The following NAA60 variants were observed in gnomAD, a reference collection of about 807,000 sequenced individuals.
The protein encoded by NAA60 is N-alpha-acetyltransferase 60, NatF catalytic subunit.
In NAA60, 8 loss-of-function variants were observed where a neutral mutation model predicts 26.1. The observed-to-expected ratio is 0.31, with a 90% CI of 0.18 to 0.55. NAA60 has a LOEUF of 0.55. Ranked by LOEUF, NAA60 falls within the 20% of genes least tolerant of loss-of-function variation. The pLI is 0.93. For synonymous variants in NAA60, 131 were observed against 122.5 expected, an observed-to-expected ratio of 1.07 and a Z score of -0.46; for missense variants, 290 against 311.3, an observed-to-expected ratio of 0.93 and a Z score of 0.51.
Position 3,485,708 on chromosome 16 carries a change from A to G in NAA60, c.*448A>G. ...TATGGACACACTTGACCGTAAAGGC[A>G]CAGGAGCCTCGGAACAAGGGGGCGC... On this transcript the variant is annotated 3_prime_UTR_variant, in exon 8 of 8. Transcript: ENST00000407558. The G allele has an allele frequency of 2.2e-6, 1 of 456,508 alleles. No individual in the cohort carries two copies. The highest frequency in any genetic ancestry group is 3.3e-4 in the Middle Eastern group (1 of 3,074). The allele number at this position is 456,508 out of a possible 1,614,324, so 28.3% of individuals were successfully genotyped here.
At chr16:3,444,034 G>A (rs955899956) in intron 1 of NAA60, 197 bp downstream of exon 1, 4 of 1,087,438 alleles carry the variant, frequency 3.7e-6, no homozygotes, top group Non-Finnish European at 4.8e-6. Context: ...CCAGGTTGCT[G>A]GACTCTGACT....
At position 3,483,592 on chromosome 16, in the gene NAA60, G is replaced by A. The variant is rs369184668; in HGVS notation, c.567G>A (p.Thr189=). The change falls in exon 6 of 8, where the codon ACG becomes ACA. Residue 189 remains threonine (T), a synonymous_variant. Transcript: ENST00000407558. ...LYINGGHPPW[T]ILDYIQHLGS... is the part of the protein sequence containing the mutation. ...TCAACGGCGGCCACCCTCCCTGGACGATTTTATATCCTTAACTTCTGGGGG... is the reference window on the plus strand; with the variant it reads ...TCAACGGCGGCCACCCTCCCTGGACAATTTTATATCCTTAACTTCTGGGGG... 1.2e-5 allele frequency: 20 copies of A among 1,608,256 alleles called. No homozygotes were observed. The highest frequency in any genetic ancestry group is 1.6e-5 in the Non-Finnish European group (19 of 1,176,446).
intron 2 of NAA60, among the ~76,000 whole-genome samples, chr16:3,461,853 C>T (rs1158177734): frequency 6.6e-6 from 1 of 152,010 alleles, no homozygotes; most frequent in Non-Finnish European, 1.5e-5. Flanking sequence ...CTTTGGGAGG[C>T]CAAGTGGGCA....
intron 1 of NAA60, among the ~76,000 whole-genome samples, chr16:3,447,212 T>C (rs1017890302): frequency 6.6e-6 from 1 of 152,222 alleles, no homozygotes; most frequent in Non-Finnish European, 1.5e-5. Context: ...AACGGAAAGA[T>C]ACTCATTTTT....
intron 2 of NAA60, chr16:3,472,402 T>C (rs939465172): frequency 6.6e-6 from 1 of 152,152 alleles, no homozygotes; most frequent in South Asian, 2.1e-4. Flanking sequence ...TTTCTTTAGC[T>C]TTTTGTTTTT....
intron 5 of NAA60, chr16:3,482,817 G>A: frequency 1.7e-6 from 1 of 586,996 alleles, no homozygotes; most frequent in African/African-American, 1.9e-5. Flanking sequence ...CTTTCCACAT[G>A]CCCCCAGGCC....
intron 1 of NAA60, among the ~76,000 whole-genome samples, chr16:3,446,664 G>C (rs1330288136): frequency 6.7e-6 from 1 of 149,728 alleles, no homozygotes; most frequent in African/African-American, 2.5e-5. Context: ...AGGCTGGAGA[G>C]CAGTGGTGCG....
intron 2 of NAA60, among the ~76,000 whole-genome samples, chr16:3,458,911 C>A (rs1472109334): frequency 5.3e-5 from 8 of 152,118 alleles, no homozygotes; most frequent in Non-Finnish European, 7.4e-5. Context: ...AAGTGGTGGG[C>A]CTTCTCTGGA....
At chr16:3,483,950 C>T (rs1035881272) in intron 6 of NAA60, among the ~76,000 whole-genome samples, 1 of 152,286 alleles carries the variant, frequency 6.6e-6, no homozygotes, top group South Asian at 2.1e-4. Flanking sequence ...GGACAGGATC[C>T]CCTGTCCTCC....
chr16:3,483,188 G>C (rs2036957322), intron 5 of NAA60, among the ~76,000 whole-genome samples, 175 bp from the exon 6 acceptor site: 2 of 152,192 alleles, frequency 1.3e-5, no homozygotes, highest in Admixed American at 1.3e-4. Flanking sequence ...TAGCTACCAG[G>C]CTCCATCTGG....
chr16:3,463,757 G>A (rs1174230599), intron 2 of NAA60, among the ~76,000 whole-genome samples: 4 of 151,768 alleles, frequency 2.6e-5, no homozygotes, highest in South Asian at 2.1e-4. Context: ...TGTAATCCTA[G>A]CTATTTGGGA....
chr16:3,466,509 G>A (rs988308300), intron 2 of NAA60, among the ~76,000 whole-genome samples: 1 of 152,236 alleles, frequency 6.6e-6, no homozygotes, highest in Non-Finnish European at 1.5e-5. Context: ...TCACTGATGA[G>A]CAAGACAGTG....
In NAA60 at chr16:3,476,259, G is replaced by A. The variant is rs200176440; in HGVS notation, c.32G>A (p.Ser11Asn). The A allele has an allele frequency of 1.3e-4, 215 of 1,613,046 alleles. No individual in the cohort carries two copies. The highest frequency in any genetic ancestry group is 1.7e-4 in the Non-Finnish European group (203 of 1,179,456). The change falls in exon 3 of 8, where the codon AGC (serine) becomes AAC (asparagine). Residue 11 changes from serine (S) to asparagine (N), a missense_variant. Physicochemically the swap from Ser to Asn is conservative, Grantham distance 46 (BLOSUM62 1). Coordinates refer to ENST00000407558, the MANE Select transcript of NAA60 (RefSeq NM_001083601.3). ...GAGGTGGTGCCATCCAGCGCGCTCA[G>A]CGAGGTCAGCCTGCGCCTCCTCTGC... is the stretch of plus-strand genomic sequence containing the variant. MTEVVPSSAL[S>N]EVSLRLLCHD...
intron 1 of NAA60, 113 bp downstream of exon 1, chr16:3,443,950 T>G (rs1357656012): frequency 2.1e-6 from 3 of 1,400,000 alleles, no homozygotes; most frequent in Non-Finnish European, 2.8e-6. Context: ...CCTTTGTGTC[T>G]TGAGCGGATG....
At chr16:3,474,592 G>A (rs1192795234) in intron 2 of NAA60, among the ~76,000 whole-genome samples, 2 of 152,252 alleles carry the variant, frequency 1.3e-5, no homozygotes, top group Non-Finnish European at 2.9e-5. Context: ...AGGAGGGCGG[G>A]AGCTCAGAGA....
chr16:3,459,576 A>G (rs543947762), intron 2 of NAA60, among the ~76,000 whole-genome samples: 14 of 152,308 alleles, frequency 9.2e-5, no homozygotes, highest in African/African-American at 2.4e-4. Flanking sequence ...GATTTTCTAC[A>G]TTAATGTGCA....
In NAA60 at chr16:3,448,515, C is replaced by G; in HGVS notation, c.-32C>G. 2.0e-6 allele frequency: 3 copies of G among 1,535,548 alleles called. No homozygotes were observed. Among genetic ancestry groups the G allele is most frequent in the Non-Finnish European group, 2.6e-6 (3 of 1,146,858 alleles). On this transcript the variant is annotated 5_prime_UTR_variant, in exon 2 of 8. Coordinates refer to ENST00000407558, the MANE Select transcript of NAA60 (RefSeq NM_001083601.3). ...TGGAGGAAGGAAGTGCGGAGCCAGC[C>G]TGAGTTGGGAGAAGAGCTCCAGAGA...
chr16:3,455,118 C>T (rs544008093), intron 2 of NAA60, among the ~76,000 whole-genome samples: 1 of 152,186 alleles, frequency 6.6e-6, no homozygotes, highest in Admixed American at 6.5e-5. Flanking sequence ...ATGGTGCGAT[C>T]TCGGCTCGCT....
In NAA60 at chr16:3,486,295, C is replaced by G. The variant is rs1381769235; in HGVS notation, c.*1035C>G. 1 of 153,488 alleles carries G rather than the reference C, an allele frequency of 6.5e-6. No individual in the cohort carries two copies. The highest frequency in any genetic ancestry group is 2.4e-5 in the African/African-American group (1 of 41,456). 9.5% of individuals were successfully genotyped at this position (153,488 alleles called of 1,614,324 possible). A position where few individuals can be genotyped will look rare whatever the true frequency, so the allele number is the denominator to read the frequency against. On this transcript the variant is annotated 3_prime_UTR_variant, in exon 8 of 8. Coordinates refer to ENST00000407558, the MANE Select transcript of NAA60 (RefSeq NM_001083601.3). ...TTCCAAATGCTGCTTGCTGCCTGCC[C>G]TGCCCTCCGATGCAGGGGTGGGGTG...
Sources: gnomAD v4.1 joint callset for allele counts (sites outside exome capture counted in the v4.1 genomes callset) on GRCh38, gnomAD v4.1.1 for gene constraint, MANE v1.5 for transcripts, NCBI Gene and HGNC (gene_info 2026-07-23, HGNC 2026-07-21) for gene names.